CFAP53: variants seen among roughly 807,000 people sequenced by gnomAD.
CFAP53 encodes the protein cilia and flagella associated protein 53.
A neutral mutation model predicts 59.7 loss-of-function variants in CFAP53; 62 were observed. The observed-to-expected ratio is 1.04, with a 90% CI of 0.85 to 1.28. The LOEUF is 1.28. CFAP53 is among the 50% of genes most tolerant of loss of function. CFAP53 has a pLI of 0.00. For synonymous variants in CFAP53, 218 were observed against 205.7 expected (o/e 1.06, Z -0.51); for missense variants, 629 against 615.6 (o/e 1.02, Z -0.23).
At chr18:50,234,149 T>C (rs572514390) in intron 7 of CFAP53, among the ~76,000 whole-genome samples, 1 of 152,222 alleles carries the variant, frequency 6.6e-6, no homozygotes, top group Non-Finnish European at 1.5e-5. Flanking sequence ...ATGGAAGCTA[T>C]ATGACAACAA....
At chr18:50,231,038 A>G (rs1599112028) in intron 7 of CFAP53, among the ~76,000 whole-genome samples, 2 of 152,312 alleles carry the variant, frequency 1.3e-5, no homozygotes, top group East Asian at 3.9e-4. Flanking sequence ...GGCCCAGGAC[A>G]TACAGCCCTC....
intron 6 of CFAP53, among the ~76,000 whole-genome samples, chr18:50,241,024 G>A (rs559063014): frequency 1.3e-3 from 203 of 152,300 alleles, no homozygotes; most frequent in African/African-American, 4.5e-3. Flanking sequence ...ACATAATGTG[G>A]CTATAAGATT....
At chr18:50,244,517 A>G (rs1402883081) in intron 5 of CFAP53, among the ~76,000 whole-genome samples, 2 of 152,200 alleles carry the variant, frequency 1.3e-5, no homozygotes, top group Non-Finnish European at 2.9e-5. Flanking sequence ...GCAGTGTGAA[A>G]ACAGATAAAT....
At chr18:50,241,286 A>G (rs1416978613) in intron 6 of CFAP53, among the ~76,000 whole-genome samples, 1 of 152,216 alleles carries the variant, frequency 6.6e-6, no homozygotes, top group African/African-American at 2.4e-5. Context: ...CCAAACTTTG[A>G]GTATGGTCTC....
intron 7 of CFAP53, among the ~76,000 whole-genome samples, chr18:50,234,587 C>T (rs2033613022): frequency 6.6e-6 from 1 of 152,210 alleles, no homozygotes; most frequent in Admixed American, 6.5e-5. Flanking sequence ...TTAAAAGGAA[C>T]TGGGCTCTTC....
chr18:50,264,321 G>A (rs2144439905), intron 1 of CFAP53, among the ~76,000 whole-genome samples: 1 of 152,292 alleles, frequency 6.6e-6, no homozygotes, highest in Admixed American at 6.5e-5. Flanking sequence ...TAGTTATTAG[G>A]ATTACAATTT....
At chr18:50,263,374 G>A (rs59910093) in intron 1 of CFAP53, among the ~76,000 whole-genome samples, 2 of 152,168 alleles carry the variant, frequency 1.3e-5, no homozygotes, top group African/African-American at 2.4e-5. Flanking sequence ...CAGAATACTA[G>A]GGTTAGGTGT....
chr18:50,227,579 C>T lies in CFAP53; in HGVS notation c.1347G>A (p.Lys449=). The change falls in exon 8 of 8, where the codon AAG becomes AAA. Residue 449 remains lysine, a synonymous_variant. Transcript: ENST00000398545. ...GGTAGGCGATTTGCATCTGAAGTTG[C>T]TTCCTGTACTCCTGGGCTAAACGTT... ...RRQRLAQEYR[K]QLQMQIAYQQ... is the part of the protein sequence containing the mutation. 4.3e-6 allele frequency: 7 copies of T among 1,614,148 alleles called. No individual in the cohort carries two copies. Among genetic ancestry groups the T allele is most frequent in the Non-Finnish European group, 5.9e-6 (7 of 1,180,006 alleles).
chr18:50,252,110 C>T (rs77303863), intron 3 of CFAP53, among the ~76,000 whole-genome samples: 1 of 148,394 alleles, frequency 6.7e-6, no homozygotes, highest in Admixed American at 6.7e-5. Context: ...TACTTTTTTT[C>T]TTTTTTTTTT....
intron 5 of CFAP53, among the ~76,000 whole-genome samples, chr18:50,249,812 A>T (rs1190828811): frequency 6.6e-6 from 1 of 152,198 alleles, no homozygotes; most frequent in Non-Finnish European, 1.5e-5. Flanking sequence ...CAACATCCTG[A>T]CTGGCATGGT....
chr18:50,261,369 G>T, intron 2 of CFAP53, 132 bp from the exon 3 acceptor site: 1 of 1,051,352 alleles, frequency 9.5e-7, no homozygotes, highest in Non-Finnish European at 1.3e-6. Context: ...CACAGAATAA[G>T]ACTGGTTGGT....
At chr18:50,237,090 A>G (rs1336722782) in intron 7 of CFAP53, among the ~76,000 whole-genome samples, 1 of 151,062 alleles carries the variant, frequency 6.6e-6, no homozygotes, top group Non-Finnish European at 1.5e-5. Flanking sequence ...GTGGATCACG[A>G]GGTCAGGAGT....
At chr18:50,254,945 C>T (rs577143654) in intron 3 of CFAP53, among the ~76,000 whole-genome samples, 1 of 152,236 alleles carries the variant, frequency 6.6e-6, no homozygotes, top group Admixed American at 6.5e-5. Context: ...TGATAATTAT[C>T]CTCAATAAAC....
chr18:50,250,077 G>A (rs955886736), intron 5 of CFAP53, among the ~76,000 whole-genome samples: 15 of 152,090 alleles, frequency 9.9e-5, no homozygotes, highest in African/African-American at 2.9e-4. Flanking sequence ...AAATTAGCCA[G>A]GCTAGGTGGT....
intron 3 of CFAP53, among the ~76,000 whole-genome samples, chr18:50,252,053 G>C (rs2033806386): frequency 6.6e-6 from 1 of 152,028 alleles, no homozygotes; most frequent in Non-Finnish European, 1.5e-5. Flanking sequence ...TAACCCCAAT[G>C]ACTGACCTAT....
chr18:50,250,883 CT>C lies in CFAP53; in HGVS notation c.870del (p.Ala291ProfsTer6), dbSNP rs2033792018. 3.1e-6 allele frequency: 5 copies of C among 1,614,044 alleles called. No homozygotes were observed. The highest frequency in any genetic ancestry group is 3.4e-6 in the Non-Finnish European group (4 of 1,180,010). On this transcript the variant is annotated frameshift_variant, in exon 5 of 8. Coordinates refer to ENST00000398545, the MANE Select transcript of CFAP53 (RefSeq NM_145020.5). LOFTEE classifies it high-confidence loss of function. ...AKQETRTILQKALQERIEHIQ... is the reference protein window; with the variant it reads ...AKQETRTILQXALQERIEHIQ... ...ATATGTTCTATCCTCTCTTGTAGGG[CT>C]TTTTGCAAAATGGTCCTAGTTTCCT...
intron 1 of CFAP53, among the ~76,000 whole-genome samples, chr18:50,264,795 A>C (rs2033921705): frequency 6.6e-6 from 1 of 152,194 alleles, no homozygotes; most frequent in African/African-American, 2.4e-5. Flanking sequence ...ATTGGTTCCC[A>C]ACACAAGTAA....
chr18:50,255,905 T>C (rs1227203940), intron 3 of CFAP53: 1 of 152,224 alleles, frequency 6.6e-6, no homozygotes, highest in East Asian at 1.9e-4. Flanking sequence ...TTCTGCTTTA[T>C]ATTAATATAC....
chr18:50,266,417 T>A lies in CFAP53; in HGVS notation c.-13A>T. ...GCTGGCTGTACATTTTCGAGTCCCC[T>A]TCGGGACGGGGGCGGCGTCCGCCGC... On this transcript the variant is annotated 5_prime_UTR_variant, in exon 1 of 8. It adds an upstream start codon to the 5' untranslated region. Transcript: ENST00000398545. 1 of 1,614,042 alleles carries A rather than the reference T, an allele frequency of 6.2e-7. No homozygotes were observed. Among genetic ancestry groups the A allele is most frequent in the Non-Finnish European group, 8.5e-7 (1 of 1,179,866 alleles).
Sources: allele counts gnomAD v4.1 joint callset (sites outside exome capture counted in the v4.1 genomes callset), GRCh38; gene constraint gnomAD v4.1.1; transcripts MANE v1.5; gene names NCBI Gene and HGNC (gene_info 2026-07-23, HGNC 2026-07-21).